The following ADAM10 variants were observed in gnomAD, a reference collection of about 807,000 sequenced individuals.
ADAM10 encodes ADAM metallopeptidase domain 10.
ADAM10 carries 17 observed loss-of-function variants against 90.1 expected under a neutral mutation model. The observed-to-expected ratio is 0.19, with a 90% CI of 0.13 to 0.28. The LOEUF is 0.28. Among genes scored for constraint, ADAM10 ranks in the 10% least tolerant of loss-of-function variants. The pLI is 1.00. For missense variants in ADAM10, 610 were observed against 914.3 expected (o/e 0.67, Z 4.29); for synonymous variants, 310 against 298.6 (o/e 1.04, Z -0.40).
intron 11 of ADAM10, among the ~76,000 whole-genome samples, chr15:58,614,119 T>C (rs540585313): frequency 9.2e-5 from 14 of 152,086 alleles, no homozygotes; most frequent in African/African-American, 3.1e-4. Context: ...CCGTCTCTAC[T>C]AAAAATACGA....
chr15:58,659,168 G>A (rs1252072518), intron 5 of ADAM10, among the ~76,000 whole-genome samples: 2 of 152,014 alleles, frequency 1.3e-5, no homozygotes, highest in African/African-American at 2.4e-5. Context: ...AGCTACTCAG[G>A]AAGCTGAGGC....
chr15:58,741,733 A>G (rs1419511613), intron 1 of ADAM10, among the ~76,000 whole-genome samples: 1 of 152,098 alleles, frequency 6.6e-6, no homozygotes, highest in Non-Finnish European at 1.5e-5. Flanking sequence ...TTCTTGTTCT[A>G]TCCTTACTTA....
intron 11 of ADAM10, among the ~76,000 whole-genome samples, chr15:58,617,155 T>C (rs1427365786): frequency 6.6e-6 from 1 of 151,502 alleles, no homozygotes; most frequent in African/African-American, 2.4e-5. Flanking sequence ...ATCAACAAAA[T>C]GAACAGTTGG....
In ADAM10 at chr15:58,588,838, G is replaced by C. The variant is rs1225856332; in HGVS notation, c.*8709C>G. The C allele has an allele frequency of 6.6e-6, 1 of 152,110 alleles. No homozygotes were observed. Among genetic ancestry groups the C allele is most frequent in the Non-Finnish European group, 1.5e-5 (1 of 68,012 alleles). 9.4% of individuals were successfully genotyped at this position (152,110 alleles called of 1,614,324 possible). On this transcript the variant is annotated 3_prime_UTR_variant, in exon 16 of 16. Coordinates refer to ENST00000260408, the MANE Select transcript of ADAM10 (RefSeq NM_001110.4). ...GTCTCCCATTTTATTTCTAATTTGAGCTTTCTGAATACATTTCTTCTCCTA... is the reference window on the plus strand; with the variant it reads ...GTCTCCCATTTTATTTCTAATTTGACCTTTCTGAATACATTTCTTCTCCTA...
chr15:58,702,445 A>T (rs1898162358), intron 2 of ADAM10, among the ~76,000 whole-genome samples: 1 of 152,172 alleles, frequency 6.6e-6, no homozygotes, highest in Non-Finnish European at 1.5e-5. Context: ...ACAATAGTTT[A>T]AAAAAAGAGG....
At chr15:58,611,146 A>G (rs890145550) in intron 12 of ADAM10, 39 bp from the exon 13 acceptor site, 5 of 1,447,218 alleles carry the variant, frequency 3.5e-6, no homozygotes, top group Admixed American at 1.7e-5. Context: ...TAATCCCTAT[A>G]CAGTCAAACC....
chr15:58,699,123 A>G (rs1221841137), intron 2 of ADAM10, among the ~76,000 whole-genome samples: 2 of 152,244 alleles, frequency 1.3e-5, no homozygotes, highest in African/African-American at 4.8e-5. Flanking sequence ...CTTACAGGCC[A>G]GGAGAAAATG....
chr15:58,712,910 T>C (rs1898523160), intron 2 of ADAM10, among the ~76,000 whole-genome samples: 1 of 152,108 alleles, frequency 6.6e-6, no homozygotes, highest in South Asian at 2.1e-4. Context: ...CCCTGATACA[T>C]CACGCACTTT....
Position 58,590,411 on chromosome 15 carries a change from AG to A in ADAM10, c.*7135del, listed in dbSNP as rs1894801490. 6.6e-6 allele frequency: 1 copy of A among 152,272 alleles called. No homozygotes were observed. The highest frequency in any genetic ancestry group is 2.4e-5 in the African/African-American group (1 of 41,476). The allele number at this position is 152,272 out of a possible 1,614,324, so 9.4% of individuals were successfully genotyped here. A position where few individuals can be genotyped will look rare whatever the true frequency, so the allele number is the denominator to read the frequency against. ...CTACTGTATTCTTATCATCTAGCCA[AG>A]GCCCTGGCACAATCAAGTGCCTAAG... is the stretch of plus-strand genomic sequence containing the variant. On this transcript the variant is annotated 3_prime_UTR_variant, in exon 16 of 16. Coordinates refer to ENST00000260408, the MANE Select transcript of ADAM10 (RefSeq NM_001110.4).
At chr15:58,658,590 G>A (rs948343653) in intron 5 of ADAM10, among the ~76,000 whole-genome samples, 1 of 152,026 alleles carries the variant, frequency 6.6e-6, no homozygotes, top group Non-Finnish European at 1.5e-5. Flanking sequence ...AATTTGGGGA[G>A]AACTGACATA....
At chr15:58,717,360 C>A (rs1308679277) in intron 2 of ADAM10, among the ~76,000 whole-genome samples, 3 of 152,084 alleles carry the variant, frequency 2.0e-5, no homozygotes, top group Admixed American at 1.3e-4. Context: ...TTCATAAATT[C>A]AAAAACATTT....
chr15:58,607,809 G>GT (rs1895319821), intron 14 of ADAM10, among the ~76,000 whole-genome samples: 1 of 152,104 alleles, frequency 6.6e-6, no homozygotes, highest in East Asian at 1.9e-4. Flanking sequence ...AAAAGTCAAG[G>GT]TAAGAGGTAG....
At chr15:58,733,347 T>C (rs377002638) in intron 1 of ADAM10, among the ~76,000 whole-genome samples, 17 of 152,246 alleles carry the variant, frequency 1.1e-4, no homozygotes, top group South Asian at 6.2e-4. Context: ...AGTGTGGAAA[T>C]GACCCAGCTC....
intron 2 of ADAM10, chr15:58,698,284 GAC>G (rs1203362442): frequency 2.2e-6 from 1 of 450,450 alleles, no homozygotes; most frequent in African/African-American, 2.0e-5. Context: ...ATTTACCAAA[GAC>G]AGATATCATA....
At chr15:58,645,110 A>C (rs1024004807) in intron 6 of ADAM10, among the ~76,000 whole-genome samples, 1 of 152,256 alleles carries the variant, frequency 6.6e-6, no homozygotes, top group Non-Finnish European at 1.5e-5. Context: ...AATTGTAAAA[A>C]CATAAACATA....
intron 1 of ADAM10, among the ~76,000 whole-genome samples, chr15:58,720,452 G>A (rs1375709774): frequency 6.6e-6 from 1 of 150,538 alleles, no homozygotes; most frequent in Non-Finnish European, 1.5e-5. Flanking sequence ...CCAGACTGCA[G>A]TTCAATGGCA....
chr15:58,620,139 A>G (rs1895737212), intron 11 of ADAM10, among the ~76,000 whole-genome samples: 1 of 152,074 alleles, frequency 6.6e-6, no homozygotes, highest in South Asian at 2.1e-4. Context: ...TCATACTAAA[A>G]TCAAACTAGG....
chr15:58,716,624 A>G (rs1266220357), intron 2 of ADAM10, among the ~76,000 whole-genome samples: 1 of 152,254 alleles, frequency 6.6e-6, no homozygotes, highest in Admixed American at 6.5e-5. Context: ...TCAAATTAAG[A>G]AAATCTGGCT....
intron 4 of ADAM10, among the ~76,000 whole-genome samples, chr15:58,674,783 T>A (rs1460792571): frequency 6.6e-6 from 1 of 152,222 alleles, no homozygotes; most frequent in African/African-American, 2.4e-5. Context: ...AATCTTAATT[T>A]TTCAGAACAA....
Sources: gnomAD v4.1 joint callset for allele counts (sites outside exome capture counted in the v4.1 genomes callset) on GRCh38, gnomAD v4.1.1 for gene constraint, MANE v1.5 for transcripts, NCBI Gene and HGNC (gene_info 2026-07-23, HGNC 2026-07-21) for gene names.